C16orf78: variants seen among roughly 807,000 people sequenced by gnomAD.
C16orf78 encodes the protein chromosome 16 open reading frame 78.
In C16orf78, 19 loss-of-function variants were observed where a neutral mutation model predicts 27.3. The ratio of observed to expected loss-of-function variants is 0.70; its 90% CI spans 0.49 to 1.02. The LOEUF (loss-of-function observed/expected upper bound fraction) is 1.02. Among genes scored for constraint, C16orf78 ranks in the 50% least tolerant of loss-of-function variants. The pLI, the probability that C16orf78 is intolerant of heterozygous loss-of-function variation, is 0.00. For missense variants in C16orf78, 339 were observed against 337.0 expected (o/e 1.01, Z -0.05); for synonymous variants, 130 against 116.1 (o/e 1.12, Z -0.77).
chr16:49,377,478 C>G (rs1010427981), intron 1 of C16orf78, among the ~76,000 whole-genome samples: 1 of 152,078 alleles, frequency 6.6e-6, no homozygotes, highest in Non-Finnish European at 1.5e-5. Context: ...TGATGGGGAG[C>G]CCCTGATGGA....
chr16:49,377,992 A>T (rs192652728), intron 2 of C16orf78, 142 bp downstream of exon 2: 4 of 1,206,630 alleles, frequency 3.3e-6, no homozygotes, highest in Non-Finnish European at 4.5e-6. Context: ...TTAACACTCA[A>T]ATAAAATCTC....
In C16orf78 at chr16:49,378,557, C is replaced by T. The variant is rs1355193962; in HGVS notation, c.358C>T (p.Pro120Ser). The T allele has an allele frequency of 6.2e-7, 1 of 1,613,726 alleles. No individual in the cohort carries two copies. The highest frequency in any genetic ancestry group is 1.7e-5 in the Admixed American group (1 of 59,960). ...AAAGGGGAAACACCTCAGCATGGTC[C>T]CTGGCAGCTACATCAAGGATGGCCC... ...EQKGKHLSMVPGSYIKDGPKK... is the reference protein window; with the variant it reads ...EQKGKHLSMVSGSYIKDGPKK... The change falls in exon 3 of 5, where the codon CCT (proline) becomes TCT (serine). Residue 120 changes from proline to serine, a missense_variant. Transcript: ENST00000299191.
chr16:49,378,502 C>T lies in C16orf78; in HGVS notation c.303C>T (p.Ala101=). ...ALGKRFRKDA[A]SYRSLYGVEQ... The stretch of plus-strand genomic sequence containing the variant: ...GAAAGAGATTCAGGAAGGACGCCGC[C>T]TCCTACCGAAGCCTCTATGGAGTGG... Residue 101 remains alanine, a synonymous_variant, in exon 3 of 5, where the codon GCC becomes GCT. Transcript: ENST00000299191. 6.2e-7 allele frequency: 1 copy of T among 1,604,524 alleles called. No homozygotes were observed. The highest frequency in any genetic ancestry group is 8.5e-7 in the Non-Finnish European group (1 of 1,175,268).
At chr16:49,387,165 T>C (rs1245353831) in intron 3 of C16orf78, among the ~76,000 whole-genome samples, 3 of 152,236 alleles carry the variant, frequency 2.0e-5, no homozygotes, top group South Asian at 2.1e-4. Context: ...GGTATCTCAT[T>C]GTGGTTTTGA....
At chr16:49,390,135 C>T (rs1025455403) in intron 3 of C16orf78, among the ~76,000 whole-genome samples, 3 of 152,120 alleles carry the variant, frequency 2.0e-5, no homozygotes, top group African/African-American at 7.2e-5. Flanking sequence ...AATTTTTGTT[C>T]CTCTGTAATG....
At chr16:49,379,644 C>T (rs941498504) in intron 3 of C16orf78, among the ~76,000 whole-genome samples, 2 of 151,802 alleles carry the variant, frequency 1.3e-5, no homozygotes, top group Non-Finnish European at 2.9e-5. Context: ...GCATTACTGG[C>T]GAAATCTGAA....
intron 4 of C16orf78, among the ~76,000 whole-genome samples, chr16:49,397,659 G>T (rs1312479041): frequency 6.6e-6 from 1 of 152,202 alleles, no homozygotes; most frequent in Non-Finnish European, 1.5e-5. Context: ...GGGGGAAAGA[G>T]ATTTGGACAG....
intron 1 of C16orf78, among the ~76,000 whole-genome samples, chr16:49,375,065 G>A (rs1965196962): frequency 6.6e-6 from 1 of 152,182 alleles, no homozygotes; most frequent in Non-Finnish European, 1.5e-5. Context: ...TCCCAGTCAG[G>A]CTACCAGGGA....
chr16:49,398,921 A>G (rs570108794), intron 4 of C16orf78, among the ~76,000 whole-genome samples: 59 of 152,332 alleles, frequency 3.9e-4, no homozygotes, highest in African/African-American at 1.2e-3. Flanking sequence ...ACCGACTGCC[A>G]AAAGAGTTAC....
intron 1 of C16orf78, among the ~76,000 whole-genome samples, chr16:49,376,999 T>C (rs989019575): frequency 3.3e-5 from 5 of 152,090 alleles, no homozygotes; most frequent in Non-Finnish European, 7.4e-5. Flanking sequence ...CCCTAACCCT[T>C]ATAGACTAGG....
chr16:49,396,331 A>T (rs946038468), intron 3 of C16orf78, 92 bp from the exon 4 acceptor site: 6 of 1,419,976 alleles, frequency 4.2e-6, no homozygotes, highest in Admixed American at 3.6e-5. Flanking sequence ...TTTGAAGTCC[A>T]TGCATTCCTC....
At chr16:49,396,809 GC>G in intron 4 of C16orf78, 131 bp downstream of exon 4, 2 of 1,262,196 alleles carry the variant, frequency 1.6e-6, no homozygotes, top group Non-Finnish European at 2.1e-6. Flanking sequence ...GCTGAGCTCC[GC>G]CCTTTGGTCC....
At chr16:49,374,757 A>G (rs777031920) in intron 1 of C16orf78, among the ~76,000 whole-genome samples, 4 of 152,198 alleles carry the variant, frequency 2.6e-5, no homozygotes, top group Non-Finnish European at 5.9e-5. Context: ...TCTACCCTAC[A>G]TCGAGCTAGT....
intron 1 of C16orf78, 125 bp from the exon 2 acceptor site, chr16:49,377,606 T>C: frequency 8.2e-7 from 1 of 1,219,340 alleles, no homozygotes. Flanking sequence ...GGCCCTAGAG[T>C]GTGTGTGCTG....
Position 49,396,696 on chromosome 16 carries a change from CT to C in C16orf78, c.650+19del. The C allele has an allele frequency of 6.2e-7, 1 of 1,601,092 alleles. No homozygotes were observed. The highest frequency in any genetic ancestry group is 8.5e-7 in the Non-Finnish European group (1 of 1,178,900). ...AGCTGCCGGTGAGAGCTGCCACCCC[CT>C]GGGCAGATGGGGTGGGGTCCTGGAA... On this transcript the variant is annotated intron_variant, in intron 4 of 4. Coordinates refer to ENST00000299191, the MANE Select transcript of C16orf78 (RefSeq NM_144602.4).
At chr16:49,380,167 G>A (rs571808782) in intron 3 of C16orf78, among the ~76,000 whole-genome samples, 13 of 152,170 alleles carry the variant, frequency 8.5e-5, no homozygotes, top group South Asian at 2.1e-4. Flanking sequence ...CTGCACTGTC[G>A]GCTTCCCTAC....
chr16:49,385,233 AT>A (rs1965333975), intron 3 of C16orf78, among the ~76,000 whole-genome samples: 1 of 152,230 alleles, frequency 6.6e-6, no homozygotes, highest in African/African-American at 2.4e-5. Flanking sequence ...AACTATAATA[AT>A]TTGTTAGTGG....
chr16:49,382,418 A>AAAAT (rs529800222), intron 3 of C16orf78, among the ~76,000 whole-genome samples: 7,819 of 151,506 alleles, frequency 0.052, 500 homozygotes, highest in African/African-American at 0.15. Context: ...GTATAATAAT[A>AAAAT]AAATAAATAA....
chr16:49,382,734 T>C (rs1321501642), intron 3 of C16orf78, among the ~76,000 whole-genome samples: 1 of 152,208 alleles, frequency 6.6e-6, no homozygotes, highest in Non-Finnish European at 1.5e-5. Flanking sequence ...TTTTGCATCC[T>C]GGACACCTTG....
Sources: allele counts gnomAD v4.1 joint callset (sites outside exome capture counted in the v4.1 genomes callset), GRCh38; gene constraint gnomAD v4.1.1; transcripts MANE v1.5; gene names NCBI Gene and HGNC (gene_info 2026-07-23, HGNC 2026-07-21).